STAU2: variants seen among roughly 807,000 people sequenced by gnomAD.
STAU2 encodes the protein staufen double-stranded RNA binding protein 2.
Under a neutral mutation model 65.9 loss-of-function variants are expected in STAU2, and 20 were observed. The ratio of observed to expected loss-of-function variants is 0.30; its 90% CI spans 0.21 to 0.44. The LOEUF (loss-of-function observed/expected upper bound fraction) is 0.44. Among genes scored for constraint, STAU2 ranks in the 20% least tolerant of loss-of-function variants. STAU2 has a pLI of 1.00. For synonymous variants in STAU2, 232 were observed against 233.9 expected, an observed-to-expected ratio of 0.99 and a Z score of 0.07; for missense variants, 558 against 683.9, an observed-to-expected ratio of 0.82 and a Z score of 2.05.
At chr8:73,652,176 G>A (rs1309550468) in intron 6 of STAU2, 1 of 151,408 alleles carries the variant, frequency 6.6e-6, no homozygotes, top group Non-Finnish European at 1.5e-5. Flanking sequence ...ATTGGAAGGG[G>A]GAAAAAAAAG....
chr8:73,539,848 C>CAA (rs539856610), intron 13 of STAU2, among the ~76,000 whole-genome samples: 23 of 87,060 alleles, frequency 2.6e-4, no homozygotes, highest in African/African-American at 6.3e-4. Context: ...CATCCCCATC[C>CAA]AAAAAAAAAA....
At chr8:73,666,054 A>G (rs1817213989) in intron 6 of STAU2, among the ~76,000 whole-genome samples, 1 of 152,140 alleles carries the variant, frequency 6.6e-6, no homozygotes, top group Non-Finnish European at 1.5e-5. Context: ...TCAATCCACA[A>G]TTGGCTGGAT....
rs10606663 is a variant in STAU2, at chr8:73,442,353, C to CA, written c.1531-19652dup. 4.6e-3 allele frequency among the ~76,000 whole-genome samples: 463 copies of CA among 99,580 alleles called. 1 individual carries two copies. Among genetic ancestry groups the CA allele is most frequent in the East Asian group, 0.01 (34 of 3,250 alleles). The allele number at this position is 99,580 out of a possible 152,430, so 65.3% of individuals were successfully genotyped here. A position where few individuals can be genotyped will look rare whatever the true frequency, so the allele number is the denominator to read the frequency against. ...TGGGCGACAGAGCGAGACTCCGTCT[C>CA]AAAAAAAAAAAAAAAAAAAAAATTA... On this transcript the variant is annotated intron_variant, in intron 13 of 14. Transcript: ENST00000524300.
intron 6 of STAU2, among the ~76,000 whole-genome samples, chr8:73,646,789 A>C (rs140317417): frequency 8.6e-4 from 131 of 152,232 alleles, no homozygotes; most frequent in African/African-American, 3.0e-3. Flanking sequence ...CAAACTATGA[A>C]CAGGGAGAAA....
At chr8:73,570,530 T>G (rs947928503) in intron 12 of STAU2, among the ~76,000 whole-genome samples, 3 of 152,164 alleles carry the variant, frequency 2.0e-5, no homozygotes, top group Non-Finnish European at 4.4e-5. Flanking sequence ...CACTCTGCAG[T>G]ATATTATCCC....
chr8:73,452,744 C>T lies in STAU2; in HGVS notation c.1531-30042G>A, dbSNP rs1818864198. ...TTTTACATCTTTTAGTTGGGCATTG[C>T]TTTTCTGAGTGAATTCTAAGTATTG... is the stretch of plus-strand genomic sequence containing the variant. On this transcript the variant is annotated intron_variant, in intron 13 of 14. Coordinates refer to ENST00000524300, the MANE Select transcript of STAU2 (RefSeq NM_001164380.2). Among the ~76,000 whole-genome samples, 3 of 152,172 alleles carry T rather than the reference C, an allele frequency of 2.0e-5. No individual in the cohort carries two copies. In the South Asian group the frequency reaches 6.2e-4, roughly 31 times the overall value.
At chr8:73,721,817 T>C (rs748170129) in intron 3 of STAU2, among the ~76,000 whole-genome samples, 5 of 152,242 alleles carry the variant, frequency 3.3e-5, no homozygotes, top group Non-Finnish European at 5.9e-5. Flanking sequence ...TAGGCAAGCA[T>C]ATAGTTGGAT....
At chr8:73,643,730 ACTGT>A (rs758549022) in intron 6 of STAU2, among the ~76,000 whole-genome samples, 67 of 152,198 alleles carry the variant, frequency 4.4e-4, no homozygotes, top group Non-Finnish European at 8.2e-4. Context: ...TTTCTGTGCT[ACTGT>A]CTGTTACTTC....
intron 13 of STAU2, among the ~76,000 whole-genome samples, chr8:73,508,527 T>C (rs73322864): frequency 0.075 from 11,422 of 152,074 alleles, 665 homozygotes; most frequent in Admixed American, 0.15. Context: ...ACACATACAA[T>C]AATCATAAAA....
In STAU2 at chr8:73,487,460, A is replaced by G. The variant is rs146934232; in HGVS notation, c.1530+64552T>C. On this transcript the variant is annotated intron_variant, in intron 13 of 14. Transcript: ENST00000524300. ...GAGGAGGCTCCCAAACATTGCAATG[A>G]TTATGAATGAAGAATTTACTTCTTT... Among the ~76,000 whole-genome samples the G allele has an allele frequency of 6.1e-3, 933 of 152,228 alleles. 6 individuals are homozygous for G. Among genetic ancestry groups the G allele is most frequent in the African/African-American group, 0.021 (860 of 41,564 alleles).
intron 6 of STAU2, among the ~76,000 whole-genome samples, chr8:73,640,323 G>C (rs1463181363): frequency 6.6e-6 from 1 of 152,022 alleles, no homozygotes; most frequent in Non-Finnish European, 1.5e-5. Flanking sequence ...AAGTGGAACT[G>C]ATTAGAAGAC....
Position 73,451,835 on chromosome 8 carries a change from G to A in STAU2, c.1531-29133C>T, listed in dbSNP as rs183366514. 1.1e-3 allele frequency among the ~76,000 whole-genome samples: 175 copies of A among 152,320 alleles called. 1 individual carries two copies. The highest frequency in any genetic ancestry group is 3.1e-3 in the African/African-American group (130 of 41,576). ...TTCTCTTCTCCAGATGCTAGGAAGT[G>A]CAGGTTCAACCCAAACCGTGTCTAT... On this transcript the variant is annotated intron_variant, in intron 13 of 14. Coordinates refer to ENST00000524300, the MANE Select transcript of STAU2 (RefSeq NM_001164380.2).
intron 13 of STAU2, among the ~76,000 whole-genome samples, chr8:73,524,313 G>C (rs1823224808): frequency 6.6e-6 from 1 of 152,112 alleles, no homozygotes; most frequent in South Asian, 2.1e-4. Flanking sequence ...ACATTCACTG[G>C]GACAGAGGAA....
At chr8:73,456,687 G>A (rs925524391) in intron 13 of STAU2, among the ~76,000 whole-genome samples, 5 of 152,092 alleles carry the variant, frequency 3.3e-5, no homozygotes, top group Admixed American at 1.3e-4. Flanking sequence ...TCTTCCTACC[G>A]TTCCTATGTG....
intron 5 of STAU2, among the ~76,000 whole-genome samples, chr8:73,681,791 A>C (rs531521905): frequency 1.4e-4 from 22 of 152,300 alleles, no homozygotes; most frequent in African/African-American, 5.3e-4. Context: ...GAGATATTTC[A>C]TGCAAACAGA....
intron 6 of STAU2, among the ~76,000 whole-genome samples, chr8:73,629,591 C>CCTGT (rs1813939114): frequency 6.6e-6 from 1 of 152,138 alleles, no homozygotes; most frequent in Admixed American, 6.5e-5. Context: ...ATGGAGATCT[C>CCTGT]CTGTCAGATT....
chr8:73,681,330 T>C (rs540017620), intron 5 of STAU2, among the ~76,000 whole-genome samples: 4 of 152,318 alleles, frequency 2.6e-5, no homozygotes, highest in African/African-American at 7.2e-5. Context: ...TTAAATAAAA[T>C]AATTATCAGT....
chr8:73,453,703 T>C (rs781646473), intron 13 of STAU2, among the ~76,000 whole-genome samples: 22 of 152,154 alleles, frequency 1.4e-4, no homozygotes, highest in Non-Finnish European at 1.9e-4. Context: ...AGGCAATTAA[T>C]TTCTTAGGAT....
At chr8:73,512,439 T>A (rs906399339) in intron 13 of STAU2, among the ~76,000 whole-genome samples, 2 of 152,214 alleles carry the variant, frequency 1.3e-5, no homozygotes, top group African/African-American at 4.8e-5. Context: ...TATTTTATAG[T>A]TTTCCATGTG....
Sources: gnomAD v4.1 joint callset for allele counts (sites outside exome capture counted in the v4.1 genomes callset) on GRCh38, gnomAD v4.1.1 for gene constraint, MANE v1.5 for transcripts, NCBI Gene and HGNC (gene_info 2026-07-23, HGNC 2026-07-21) for gene names.